SETD1A: variants seen among roughly 807,000 people sequenced by gnomAD.
The protein encoded by SETD1A is histone-lysine N-methyltransferase SETD1A.
SETD1A carries 29 observed loss-of-function variants against 149.9 expected under a neutral mutation model. The ratio of observed to expected loss-of-function variants is 0.19; its 90% CI spans 0.14 to 0.26. The LOEUF (loss-of-function observed/expected upper bound fraction) is 0.26. SETD1A is among the 10% of genes least tolerant of loss of function. SETD1A has a pLI of 1.00. For synonymous variants in SETD1A, 1,141 were observed against 968.5 expected (o/e 1.18, Z -3.31); for missense variants, 2,109 against 2,353.1 (o/e 0.90, Z 2.15).
Position 30,979,695 on chromosome 16 carries a change from C to A in SETD1A, c.3909C>A (p.Ala1303=). Residue 1303 remains alanine, a synonymous_variant, in exon 14 of 19, where the codon GCC becomes GCA. Transcript: ENST00000262519. ...ACATCCTCCTGGAGCACAACTATGC[C>A]CTGGCCGTCAAGCCCACGCCCCCTG... ...LSHILLEHNY[A]LAVKPTPPAP... 1 of 1,605,420 alleles carries A rather than the reference C, an allele frequency of 6.2e-7. No individual in the cohort carries two copies.
At chr16:30,959,827 T>C (rs2143455205) in intron 3 of SETD1A, among the ~76,000 whole-genome samples, 1 of 152,236 alleles carries the variant, frequency 6.6e-6, no homozygotes, top group African/African-American at 2.4e-5. Context: ...ATTACCTAAA[T>C]GTTGATGACT....
intron 2 of SETD1A, 79 bp downstream of exon 2, chr16:30,958,960 G>A (rs2056007182): frequency 1.3e-6 from 2 of 1,562,434 alleles, no homozygotes; most frequent in Non-Finnish European, 8.8e-7. Context: ...CACCTAGAAC[G>A]GTAGCCTGCC....
At position 30,971,459 on chromosome 16, in the gene SETD1A, C is replaced by G; in HGVS notation, c.3098C>G (p.Ser1033Cys). Residue 1033 changes from serine to cysteine, a missense_variant, in exon 13 of 19, where the codon TCC becomes TGC. Around this residue, in one of 8 missense-constraint regions of SETD1A, gnomAD observed 832 missense variants for 815.6 expected, o/e 1.02. Coordinates refer to ENST00000262519, the MANE Select transcript of SETD1A (RefSeq NM_014712.3). ...SDGENDSTSD[S>C]ESSSSSSSSS... ...GGCGAAAATGACAGCACATCAGACTCCGAGAGCAGCAGCTCTTCCAGCTCC... is the reference window on the plus strand; with the variant it reads ...GGCGAAAATGACAGCACATCAGACTGCGAGAGCAGCAGCTCTTCCAGCTCC... The G allele has an allele frequency of 6.2e-7, 1 of 1,613,980 alleles. No individual in the cohort carries two copies. Among genetic ancestry groups the G allele is most frequent in the Middle Eastern group, 1.6e-4 (1 of 6,062 alleles).
At chr16:30,982,843 G>C (rs1004067776) in intron 17 of SETD1A, among the ~76,000 whole-genome samples, 2 of 152,138 alleles carry the variant, frequency 1.3e-5, no homozygotes, top group African/African-American at 4.8e-5. Flanking sequence ...GAGGGTGAGG[G>C]GGACGGGAGG....
chr16:30,979,117 C>A (rs1481348144), intron 13 of SETD1A, 28 bp from the exon 14 acceptor site: 1 of 1,515,662 alleles, frequency 6.6e-7, no homozygotes, highest in South Asian at 1.3e-5. Flanking sequence ...CCCTGACCTC[C>A]TTTCCTTCCT....
At chr16:30,977,360 C>T (rs1438977658) in intron 13 of SETD1A, among the ~76,000 whole-genome samples, 1 of 152,222 alleles carries the variant, frequency 6.6e-6, no homozygotes, top group Non-Finnish European at 1.5e-5. Flanking sequence ...TAGGAACTGG[C>T]TTCTGGGGCC....
intron 13 of SETD1A, among the ~76,000 whole-genome samples, chr16:30,977,477 G>A (rs1174875691): frequency 6.6e-6 from 1 of 152,238 alleles, no homozygotes; most frequent in Non-Finnish European, 1.5e-5. Flanking sequence ...AAATGAGAGG[G>A]ATGGGCAGGT....
Position 30,983,682 on chromosome 16 carries a change from C to T in SETD1A, c.4860C>T (p.Gly1620=), listed in dbSNP as rs369450482. Residue 1620 remains glycine (G), a synonymous_variant, in exon 18 of 19, where the codon GGC becomes GGT. Transcript: ENST00000262519. The surrounding 1 kb of genome is among the most constrained non-coding windows in gnomAD (Gnocchi z 6.8). ...AGCGCTACGTGCAGGAGGGCATTGG[C>T]AGCAGCTACCTGTTCCGGGTGGACC... ...REKRYVQEGI[G]SSYLFRVDHD... 104 of 1,613,990 alleles carry T rather than the reference C, an allele frequency of 6.4e-5. No homozygotes were observed. The South Asian group carries it at 1.1e-3, about 17-fold the overall frequency.
rs750042482 is a variant in SETD1A, at chr16:30,969,321, G to A, written c.2787G>A (p.Lys929=). 5 of 1,613,980 alleles carry A rather than the reference G, an allele frequency of 3.1e-6. No individual in the cohort carries two copies. The South Asian group carries it at 3.3e-5, about 11-fold the overall frequency. The change falls in exon 11 of 19, where the codon AAG becomes AAA. Residue 929 remains lysine (K), a synonymous_variant. Transcript: ENST00000262519. ...EEDEDDPEQE[K]EAGEPGRPGT... ...CTGGCCTAGACCCTGAACAAGAGAA[G>A]GAGGCTGGAGAGCCAGGACGTCCGG...
chr16:30,958,729 A>G lies in SETD1A; in HGVS notation c.-3A>G. 1 of 1,614,144 alleles carries G rather than the reference A, an allele frequency of 6.2e-7. No individual in the cohort carries two copies. Among genetic ancestry groups the G allele is most frequent in the Non-Finnish European group, 8.5e-7 (1 of 1,179,988 alleles). On this transcript the variant is annotated 5_prime_UTR_variant, in exon 2 of 19. Transcript: ENST00000262519. ...CTTCCCCTAACAGTGTAAATGAGCAAAGATGGATCAGGAAGGTGGGGGAGA... is the reference window on the plus strand; with the variant it reads ...CTTCCCCTAACAGTGTAAATGAGCAGAGATGGATCAGGAAGGTGGGGGAGA...
chr16:30,975,207 G>C (rs1366313433), intron 13 of SETD1A, among the ~76,000 whole-genome samples: 2 of 151,828 alleles, frequency 1.3e-5, no homozygotes, highest in Non-Finnish European at 2.9e-5. Flanking sequence ...CTGCTCAGGA[G>C]CCTGAGGCAG....
In SETD1A at chr16:30,980,265, G is replaced by A. The variant is rs1405781920; in HGVS notation, c.4408+71G>A. 4.7e-6 allele frequency: 7 copies of A among 1,498,840 alleles called. No homozygotes were observed. Among genetic ancestry groups the A allele is most frequent in the Non-Finnish European group, 6.2e-6 (7 of 1,123,214 alleles). 92.8% of individuals were successfully genotyped at this position (1,498,840 alleles called of 1,614,324 possible). A position where few individuals can be genotyped will look rare whatever the true frequency, so the allele number is the denominator to read the frequency against. ...GACCCCTCCAGGCACCTGCATCTGTGCCCCACTCTGTCTGCCTCCCCTCTG... is the reference window on the plus strand; with the variant it reads ...GACCCCTCCAGGCACCTGCATCTGTACCCCACTCTGTCTGCCTCCCCTCTG... On this transcript the variant is annotated intron_variant, in intron 14 of 18. Transcript: ENST00000262519. The surrounding 1 kb of genome is among the most constrained non-coding windows in gnomAD (Gnocchi z 7.7).
At position 30,969,341 on chromosome 16, in the gene SETD1A, G is replaced by A. The variant is rs571260823; in HGVS notation, c.2807G>A (p.Arg936His). The A allele has an allele frequency of 3.9e-5, 63 of 1,614,170 alleles. No individual in the cohort carries two copies. The highest frequency in any genetic ancestry group is 1.8e-4 in the East Asian group (8 of 44,872). ...GAGAAGGAGGCTGGAGAGCCAGGAC[G>A]TCCGGGGACCAAGCCCCCGAAGCGG... ...EQEKEAGEPG[R>H]PGTKPPKRDE... is the part of the protein sequence containing the mutation. Residue 936 changes from arginine (R) to histidine (H), a missense_variant, in exon 11 of 19, where the codon CGT (arginine) becomes CAT (histidine). Arg to His is a conservative substitution (Grantham distance 29). Transcript: ENST00000262519.
Position 30,983,091 on chromosome 16 carries a change from G to A in SETD1A, c.4813-544G>A, listed in dbSNP as rs2056402171. On this transcript the variant is annotated intron_variant, in intron 17 of 18. Transcript: ENST00000262519. This position sits in a 1 kb window ranked among gnomAD's most constrained non-coding sequence, Gnocchi z 6.8. Reference sequence around the variant, plus strand: ...ATAGCTGGCGGCTGAGGCTCTGGAAGGGAGTGAGGTCACCCGAGGAGGGCG... The same window carrying A: ...ATAGCTGGCGGCTGAGGCTCTGGAAAGGAGTGAGGTCACCCGAGGAGGGCG... Among the ~76,000 whole-genome samples the A allele has an allele frequency of 6.6e-6, 1 of 152,182 alleles. No individual in the cohort carries two copies. Among genetic ancestry groups the A allele is most frequent in the Non-Finnish European group, 1.5e-5 (1 of 68,026 alleles).
At chr16:30,982,874 T>C (rs2056399040) in intron 17 of SETD1A, among the ~76,000 whole-genome samples, 1 of 152,032 alleles carries the variant, frequency 6.6e-6, no homozygotes, top group African/African-American at 2.4e-5. Context: ...GTGCTGCTCT[T>C]AGCTGCTGGG....
Position 30,966,226 on chromosome 16 carries a change from G to A in SETD1A, c.2345G>A (p.Gly782Asp), listed in dbSNP as rs534695432. The change falls in exon 8 of 19, where the codon GGC becomes GAC. Residue 782 changes from glycine to aspartate, a missense_variant. Physicochemically the swap from Gly to Asp is moderately conservative, Grantham distance 94. Around this residue, in one of 8 missense-constraint regions of SETD1A, gnomAD observed 431 missense variants for 388.6 expected, o/e 1.11. Transcript: ENST00000262519. ...PPREEAELAE[G>D]KTLPTAGTVG... ...AGGGAAGAAGCAGAGCTGGCAGAGG[G>A]CAAGACCCTCCCGACAGCAGGCACC... The A allele has an allele frequency of 6.2e-7, 1 of 1,613,614 alleles. No individual in the cohort carries two copies. Among genetic ancestry groups the A allele is most frequent in the African/African-American group, 1.3e-5 (1 of 75,060 alleles).
intron 13 of SETD1A, among the ~76,000 whole-genome samples, chr16:30,973,828 C>T (rs1434867919): frequency 1.3e-5 from 2 of 152,122 alleles, no homozygotes; most frequent in African/African-American, 4.8e-5. Context: ...CATTACACCT[C>T]AGATGACTCT....
At position 30,961,196 on chromosome 16, in the gene SETD1A, A is replaced by G; in HGVS notation, c.247-71A>G. On this transcript the variant is annotated intron_variant, in intron 3 of 18. Coordinates refer to ENST00000262519, the MANE Select transcript of SETD1A (RefSeq NM_014712.3). This position sits in a 1 kb window ranked among gnomAD's most constrained non-coding sequence, Gnocchi z 4.0. Reference sequence around the variant, plus strand: ...CTCTCTTGACTTCATGGAGCTTGCTAAAGTTTCCCGAAGGACAAAGGAACA... The same window carrying G: ...CTCTCTTGACTTCATGGAGCTTGCTGAAGTTTCCCGAAGGACAAAGGAACA... The G allele has an allele frequency of 1.3e-6, 2 of 1,511,178 alleles. 1 individual carries two copies. The highest frequency in any genetic ancestry group is 2.4e-5 in the South Asian group (2 of 84,628). The allele number at this position is 1,511,178 out of a possible 1,614,324, so 93.6% of individuals were successfully genotyped here.
chr16:30,959,056 C>T (rs759073508), intron 2 of SETD1A, 35 bp from the exon 3 acceptor site: 2 of 1,539,788 alleles, frequency 1.3e-6, no homozygotes, highest in Non-Finnish European at 1.8e-6. Flanking sequence ...TGGATTCACC[C>T]TGAGCTCTCT....
Sources: gnomAD v4.1 joint callset for allele counts (sites outside exome capture counted in the v4.1 genomes callset) on GRCh38, gnomAD v4.1.1 for gene constraint, gnomAD v4.1.1 regional missense constraint, Gnocchi (gnomAD v3.1) non-coding constraint, MANE v1.5 for transcripts, NCBI Gene and HGNC (gene_info 2026-07-23, HGNC 2026-07-21) for gene names.